The following PARG variants were observed in gnomAD, a reference collection of about 807,000 sequenced individuals.
PARG encodes the protein poly(ADP-ribose) glycohydrolase.
In PARG, 35 loss-of-function variants were observed where a neutral mutation model predicts 113.0. The observed-to-expected ratio is 0.31, with a 90% confidence interval of 0.24 to 0.41. PARG has a LOEUF of 0.41. Among genes scored for constraint, PARG ranks in the 10% least tolerant of loss-of-function variants. PARG has a pLI of 1.00. For missense variants in PARG, 797 were observed against 1,169.4 expected, an observed-to-expected ratio of 0.68 and a Z score of 4.64; for synonymous variants, 330 against 409.9, an observed-to-expected ratio of 0.81 and a Z score of 2.36.
chr10:49,858,977 A>C (rs1846124636), intron 12 of PARG, among the ~76,000 whole-genome samples: 1 of 151,992 alleles, frequency 6.6e-6, no homozygotes, highest in Non-Finnish European at 1.5e-5. Context: ...AGTCAGAATG[A>C]GCATAAGCAG....
At chr10:49,941,429 C>T (rs1417057892) in intron 1 of PARG, 80 bp downstream of exon 1, 1 of 1,067,658 alleles carries the variant, frequency 9.4e-7, no homozygotes, top group East Asian at 2.6e-5. Flanking sequence ...AAAGGAGTGA[C>T]TGGAGCCCCT....
intron 16 of PARG, among the ~76,000 whole-genome samples, chr10:49,826,805 C>T (rs1554829465): frequency 6.6e-6 from 1 of 152,136 alleles, no homozygotes; most frequent in African/African-American, 2.4e-5. Context: ...CTAAGGAGTC[C>T]TCCTTTCTTC....
Position 49,819,288 on chromosome 10 carries a change from A to C in PARG, c.*52T>G. The C allele has an allele frequency of 6.8e-7, 1 of 1,459,978 alleles. No homozygotes were observed. Among genetic ancestry groups the C allele is most frequent in the East Asian group, 2.5e-5 (1 of 40,346 alleles). The allele number at this position is 1,459,978 out of a possible 1,614,324, so 90.4% of individuals were successfully genotyped here. ...ATTCATATATTACACCTGACAGCTC[A>C]AACAGGACGTCTCTGGTGGGAGGTG... On this transcript the variant is annotated 3_prime_UTR_variant, in exon 18 of 18. Transcript: ENST00000616448.
chr10:49,922,698 G>C, intron 4 of PARG, 29 bp from the exon 5 acceptor site: 1 of 1,448,924 alleles, frequency 6.9e-7, no homozygotes. Context: ...AAAATTGTCA[G>C]TGCATAAAAA....
intron 13 of PARG, among the ~76,000 whole-genome samples, chr10:49,848,216 G>A (rs1845600428): frequency 6.9e-6 from 1 of 145,692 alleles, no homozygotes; most frequent in Non-Finnish European, 1.5e-5. Context: ...GGGCGTGGTG[G>A]CGTGCACCTG....
At chr10:49,831,498 G>A (rs189862774) in intron 16 of PARG, among the ~76,000 whole-genome samples, 1 of 152,262 alleles carries the variant, frequency 6.6e-6, no homozygotes, top group Admixed American at 6.5e-5. Context: ...CTGAGTGCTG[G>A]TGCCTTTGTT....
In PARG at chr10:49,887,695, A is replaced by G. The variant is rs572603782; in HGVS notation, c.1738-2400T>C. ...TTATATAATATTCCATGGTTTGTTT[A>G]GCAATTTCACCTACTGAGAGGCACT... On this transcript the variant is annotated intron_variant, in intron 7 of 17. Transcript: ENST00000616448. Among the ~76,000 whole-genome samples, 279 of 152,250 alleles carry G rather than the reference A, an allele frequency of 1.8e-3. 2 individuals carry two copies. Among genetic ancestry groups the G allele is most frequent in the African/African-American group, 6.5e-3 (269 of 41,566 alleles).
At chr10:49,873,693 C>T (rs1846809434) in intron 9 of PARG, among the ~76,000 whole-genome samples, 1 of 114,112 alleles carries the variant, frequency 8.8e-6, no homozygotes, top group Non-Finnish European at 1.9e-5. Context: ...AAAACACACA[C>T]CATCTCACAG....
chr10:49,840,941 A>C (rs1554832145), intron 15 of PARG, among the ~76,000 whole-genome samples: 2 of 152,216 alleles, frequency 1.3e-5, no homozygotes, highest in South Asian at 4.1e-4. Context: ...GGCTGTGTGA[A>C]TAATTTGTGG....
Position 49,853,034 on chromosome 10 carries a change from A to ATTT in PARG, c.2353+4269_2353+4271dup, listed in dbSNP as rs4012511. Among the ~76,000 whole-genome samples, 316 of 133,812 alleles carry ATTT rather than the reference A, an allele frequency of 2.4e-3. 1 individual carries two copies. Among genetic ancestry groups the ATTT allele is most frequent in the East Asian group, 7.0e-3 (33 of 4,688 alleles). The allele number at this position is 133,812 out of a possible 152,430, so 87.8% of individuals were successfully genotyped here. ...ATCTACCTTAACAGCTAAAAAAAAA[A>ATTT]TTTTTTTTTTTTTTTTTTTGAGACA... is the stretch of plus-strand genomic sequence containing the variant. On this transcript the variant is annotated intron_variant, in intron 13 of 17. Coordinates refer to ENST00000616448, the MANE Select transcript of PARG (RefSeq NM_003631.5).
chr10:49,835,750 T>C (rs1385245222), intron 15 of PARG, among the ~76,000 whole-genome samples: 1 of 151,944 alleles, frequency 6.6e-6, no homozygotes, highest in Non-Finnish European at 1.5e-5. Flanking sequence ...TGTATAAGAT[T>C]TTACACTTAA....
intron 7 of PARG, among the ~76,000 whole-genome samples, chr10:49,910,740 A>G (rs1419953136): frequency 1.3e-5 from 2 of 152,248 alleles, no homozygotes; most frequent in Non-Finnish European, 2.9e-5. Context: ...TGCAGATTTA[A>G]AGCTCTTTAT....
intron 1 of PARG, among the ~76,000 whole-genome samples, 199 bp from the exon 2 acceptor site, chr10:49,935,341 A>G (rs1838694873): frequency 6.6e-6 from 1 of 152,228 alleles, no homozygotes; most frequent in Non-Finnish European, 1.5e-5. Context: ...CTGGTGCCTA[A>G]AAGAGTTGGT....
intron 4 of PARG, among the ~76,000 whole-genome samples, chr10:49,929,296 A>T (rs1231339044): frequency 2.0e-5 from 3 of 150,994 alleles, no homozygotes; most frequent in Non-Finnish European, 2.9e-5. Context: ...AGTAATCCAG[A>T]CTAAGAACCT....
intron 4 of PARG, among the ~76,000 whole-genome samples, chr10:49,930,520 C>A (rs1368292536): frequency 6.6e-6 from 1 of 152,326 alleles, no homozygotes; most frequent in African/African-American, 2.4e-5. Context: ...CTTCCTCATT[C>A]CCCACCCAAA....
At position 49,870,344 on chromosome 10, in the gene PARG, T is replaced by C. The variant is rs1187842678; in HGVS notation, c.1989-789A>G. Among the ~76,000 whole-genome samples, 3 of 151,960 alleles carry C rather than the reference T, an allele frequency of 2.0e-5. No individual in the cohort carries two copies. The South Asian group carries it at 6.3e-4, about 32-fold the overall frequency. ...ATCAGGAACCAAAGCAGCAGCACCCTGATCTGCAGCTTCTAGCCTCCAGAA... is the reference window on the plus strand; with the variant it reads ...ATCAGGAACCAAAGCAGCAGCACCCCGATCTGCAGCTTCTAGCCTCCAGAA... On this transcript the variant is annotated intron_variant, in intron 9 of 17. Coordinates refer to ENST00000616448, the MANE Select transcript of PARG (RefSeq NM_003631.5).
At chr10:49,883,570 G>T (rs1356644201) in intron 8 of PARG, among the ~76,000 whole-genome samples, 10 of 147,834 alleles carry the variant, frequency 6.8e-5, no homozygotes, top group Non-Finnish European at 1.2e-4. Flanking sequence ...AGGCAAAGGC[G>T]GGCGGATCAC....
chr10:49,933,384 T>C lies in PARG; in HGVS notation c.1064A>G (p.Lys355Arg), dbSNP rs1838584391. ...TTCACCGCCCTTAGTAGAGTACCGT[T>C]TCCTAAATTCAATGTCAGCGTCTCT... ...QARDADIEFR[K>R]RYSTKGGEVR... Residue 355 changes from lysine to arginine, a missense_variant, in exon 3 of 18, where the codon AAA (lysine) becomes AGA (arginine). Lys to Arg is a conservative substitution (Grantham distance 26, BLOSUM62 2). Transcript: ENST00000616448. The C allele has an allele frequency of 6.8e-6, 11 of 1,613,576 alleles. No homozygotes were observed. The Admixed American group carries it at 1.8e-4, about 27-fold the overall frequency.
chr10:49,841,283 A>C (rs1416115578), intron 15 of PARG, among the ~76,000 whole-genome samples: 1 of 152,038 alleles, frequency 6.6e-6, no homozygotes, highest in Non-Finnish European at 1.5e-5. Context: ...AAAAAAAGAA[A>C]ATCTCTGCTG....
Sources: allele counts gnomAD v4.1 joint callset (sites outside exome capture counted in the v4.1 genomes callset), GRCh38; gene constraint gnomAD v4.1.1; transcripts MANE v1.5; gene names NCBI Gene and HGNC (gene_info 2026-07-23, HGNC 2026-07-21).